The following SHTN1 variants were observed in gnomAD, a reference collection of about 807,000 sequenced individuals.
The protein encoded by SHTN1 is shootin-1.
SHTN1 carries 42 observed loss-of-function variants against 83.1 expected under a neutral mutation model. The observed-to-expected ratio is 0.51, with a 90% CI of 0.39 to 0.65. The LOEUF is 0.65. SHTN1 is among the 30% of genes least tolerant of loss of function. The pLI, the probability that SHTN1 is intolerant of heterozygous loss-of-function variation, is 0.00. For missense variants in SHTN1, 622 were observed against 737.8 expected (o/e 0.84, Z 1.82); for synonymous variants, 224 against 247.7 (o/e 0.90, Z 0.90).
chr10:117,126,147 C>G (rs1854003185), intron 1 of SHTN1, among the ~76,000 whole-genome samples: 1 of 152,204 alleles, frequency 6.6e-6, no homozygotes, highest in Non-Finnish European at 1.5e-5. Flanking sequence ...TCACTTCCCG[C>G]CGCTCCACTG....
chr10:117,119,756 C>T (rs763247390), intron 1 of SHTN1, among the ~76,000 whole-genome samples: 3 of 151,920 alleles, frequency 2.0e-5, no homozygotes, highest in Non-Finnish European at 4.4e-5. Flanking sequence ...TTCACAATAG[C>T]CAAGATTTGG....
chr10:116,968,587 G>A, intron 3 of SHTN1, 65 bp downstream of exon 3: 1 of 1,172,950 alleles, frequency 8.5e-7, no homozygotes, highest in Non-Finnish European at 1.3e-6. Context: ...TAGGGTATAA[G>A]TCTACTCACA....
At chr10:117,029,437 A>G (rs1332354706) in intron 2 of SHTN1, among the ~76,000 whole-genome samples, 2 of 152,190 alleles carry the variant, frequency 1.3e-5, no homozygotes, top group African/African-American at 4.8e-5. Flanking sequence ...GTATTTTGCA[A>G]TGTGAGAAGT....
intron 6 of SHTN1, among the ~76,000 whole-genome samples, chr10:116,950,275 C>A (rs1849729308): frequency 6.6e-6 from 1 of 152,158 alleles, no homozygotes; most frequent in Non-Finnish European, 1.5e-5. Context: ...AGCAATCCTC[C>A]CACCTCAGCC....
rs1284054587 is a variant in SHTN1 at position 116,906,620 on chromosome 10, G to A, written c.1480+7C>T. On this transcript the variant is annotated splice_region_variant and intron_variant, in intron 15 of 16. Transcript: ENST00000355371. ...AGAAGGACTGTGGAGAATTCAAACC[G>A]GCTTACTACTGCTATCTGCTTCTGC... 7 of 1,608,424 alleles carry A rather than the reference G, an allele frequency of 4.4e-6. No individual in the cohort carries two copies. In the South Asian group the frequency reaches 4.5e-5, roughly 10 times the overall value.
chr10:116,945,596 G>C (rs1849544977), intron 7 of SHTN1, among the ~76,000 whole-genome samples: 1 of 152,034 alleles, frequency 6.6e-6, no homozygotes, highest in Admixed American at 6.6e-5. Flanking sequence ...TCTTCATTAG[G>C]AATCAAGGAA....
rs869310024 is a variant in SHTN1, at chr10:117,065,727, T to TGAAAGAAAGAAAGAAAGAAA, written c.-188-17237_-188-17218dup. ...AGCGAGAGAGAGAGAGAGAGAGAGA[T>TGAAAGAAAGAAAGAAAGAAA]GAAAGAAAGAAAGAAAGAAAGAAAG... On this transcript the variant is annotated intron_variant, in intron 1 of 17. Coordinates refer to the SHTN1 transcript ENST00000392901. Among the ~76,000 whole-genome samples the TGAAAGAAAGAAAGAAAGAAA allele has an allele frequency of 6.7e-4, 8 of 12,012 alleles. 1 individual carries two copies. Among genetic ancestry groups the TGAAAGAAAGAAAGAAAGAAA allele is most frequent in the African/African-American group, 1.4e-3 (8 of 5,632 alleles). 7.9% of individuals were successfully genotyped at this position (12,012 alleles called of 152,430 possible).
chr10:116,919,103 AAC>A (rs1848467511), intron 12 of SHTN1, among the ~76,000 whole-genome samples: 1 of 152,236 alleles, frequency 6.6e-6, no homozygotes. Flanking sequence ...TAAGAAAGAA[AAC>A]ACAGTGAATG....
intron 13 of SHTN1, among the ~76,000 whole-genome samples, chr10:116,913,223 C>T (rs764193556): frequency 6.6e-6 from 1 of 152,262 alleles, no homozygotes; most frequent in African/African-American, 2.4e-5. Flanking sequence ...CCATGCCACT[C>T]AGGCTGCCCT....
intron 1 of SHTN1, among the ~76,000 whole-genome samples, chr10:117,072,520 G>A (rs1313350992): frequency 6.6e-6 from 1 of 152,138 alleles, no homozygotes; most frequent in Non-Finnish European, 1.5e-5. Context: ...GAGACCCATA[G>A]ACGGTTCACA....
chr10:116,965,312 T>C (rs894383066), intron 3 of SHTN1, among the ~76,000 whole-genome samples: 2 of 151,514 alleles, frequency 1.3e-5, no homozygotes, highest in Non-Finnish European at 2.9e-5. Flanking sequence ...AGGTCAAGAG[T>C]TCAAGACCAA....
At chr10:116,973,872 G>T (rs779252739) in intron 2 of SHTN1, 2 of 1,285,294 alleles carry the variant, frequency 1.6e-6, no homozygotes, top group Admixed American at 4.6e-5. Flanking sequence ...AAGAATCCTT[G>T]GCATACAATG....
intron 1 of SHTN1, among the ~76,000 whole-genome samples, chr10:117,079,291 G>A (rs1414963130): frequency 4.4e-5 from 6 of 137,118 alleles, no homozygotes; most frequent in Non-Finnish European, 7.7e-5. Flanking sequence ...GCGGTGTTTG[G>A]TTTTTTGTTC....
chr10:117,106,455 A>T (rs1179488194), intron 1 of SHTN1, among the ~76,000 whole-genome samples: 1 of 152,222 alleles, frequency 6.6e-6, no homozygotes, highest in South Asian at 2.1e-4. Context: ...ACTTTGTCTC[A>T]AAATAAATAA....
intron 16 of SHTN1, among the ~76,000 whole-genome samples, chr10:116,890,822 T>C (rs991334688): frequency 6.6e-6 from 1 of 152,242 alleles, no homozygotes; most frequent in African/African-American, 2.4e-5. Flanking sequence ...ACAATGGCAA[T>C]GGCCATGCCA....
intron 2 of SHTN1, among the ~76,000 whole-genome samples, chr10:116,970,799 C>T (rs1383826709): frequency 3.3e-5 from 5 of 151,032 alleles, no homozygotes; most frequent in Non-Finnish European, 5.9e-5. Flanking sequence ...TACACAAATG[C>T]ATCTCATATA....
chr10:117,089,862 ACAC>A (rs1354592747), intron 1 of SHTN1, among the ~76,000 whole-genome samples: 1 of 152,224 alleles, frequency 6.6e-6, no homozygotes, highest in African/African-American at 2.4e-5. Context: ...CCACAATGAA[ACAC>A]CACCTCATAC....
intron 1 of SHTN1, among the ~76,000 whole-genome samples, chr10:117,077,991 C>A (rs74843333): frequency 1.3e-5 from 2 of 152,146 alleles, no homozygotes; most frequent in East Asian, 1.9e-4. Flanking sequence ...CGAAGAAGGT[C>A]GACGATTAAC....
At chr10:117,028,112 C>T (rs547022621) in intron 2 of SHTN1, among the ~76,000 whole-genome samples, 1 of 152,204 alleles carries the variant, frequency 6.6e-6, no homozygotes, top group East Asian at 1.9e-4. Context: ...TTTTGTTAGG[C>T]CTTAGCAAAG....
Sources: allele counts gnomAD v4.1 joint callset (sites outside exome capture counted in the v4.1 genomes callset), GRCh38; gene constraint gnomAD v4.1.1; transcripts MANE v1.5; gene names NCBI Gene and HGNC (gene_info 2026-07-23, HGNC 2026-07-21).